The following GOLGA4 variants were observed in gnomAD, a reference collection of about 807,000 sequenced individuals.
GOLGA4 encodes golgin subfamily A member 4.
In GOLGA4, 169 loss-of-function variants were observed where a neutral mutation model predicts 265.9. The ratio of observed to expected loss-of-function variants is 0.64; its 90% CI spans 0.56 to 0.72. GOLGA4 has a LOEUF of 0.72. Ranked by LOEUF, GOLGA4 falls within the 30% of genes least tolerant of loss-of-function variation. The probability of loss-of-function intolerance (pLI) is 0.00; values close to 1 mark genes in which losing one functional copy is unlikely to be tolerated. For missense variants in GOLGA4, 2,482 were observed against 2,483.4 expected (o/e 1.00, Z 0.01); for synonymous variants, 923 against 855.8 (o/e 1.08, Z -1.37).
chr3:37,328,320 T>A, intron 14 of GOLGA4, 96 bp from the exon 15 acceptor site: 3 of 1,131,852 alleles, frequency 2.7e-6, no homozygotes, highest in Non-Finnish European at 3.8e-6. Flanking sequence ...TTTCATACAA[T>A]GAACTCATAC....
chr3:37,325,932 C>A lies in GOLGA4; in HGVS notation c.4046C>A (p.Ser1349Tyr). The A allele has an allele frequency of 6.2e-7, 1 of 1,612,290 alleles. No homozygotes were observed. Among genetic ancestry groups the A allele is most frequent in the Non-Finnish European group, 8.5e-7 (1 of 1,178,696 alleles). The change falls in exon 14 of 24, where the codon TCT becomes TAT. Residue 1349 changes from serine (S) to tyrosine (Y), a missense_variant. Transcript: ENST00000361924. ...SCITQLKKEL[S>Y]ENINAVTLMK... ...ATAACACAGTTGAAGAAAGAGTTAT[C>A]TGAAAACATCAATGCTGTCACATTG...
chr3:37,317,081 G>C (rs2150934743), intron 11 of GOLGA4, among the ~76,000 whole-genome samples: 1 of 152,214 alleles, frequency 6.6e-6, no homozygotes, highest in African/African-American at 2.4e-5. Flanking sequence ...AGATTCTATT[G>C]TATGAATGTC....
Position 37,302,286 on chromosome 3 carries a change from C to T in GOLGA4, c.1188C>T (p.Thr396=). The T allele has an allele frequency of 6.2e-7, 1 of 1,613,074 alleles. No individual in the cohort carries two copies. The highest frequency in any genetic ancestry group is 8.5e-7 in the Non-Finnish European group (1 of 1,179,216). ...QLRSRIKQMT[T]QGEELREQKE... ...GTAGTCGCATCAAACAGATGACTAC[C>T]CAGGGAGAGGAATTACGGGAACAGA... The change falls in exon 10 of 24, where the codon ACC becomes ACT. Residue 396 remains threonine (T), a synonymous_variant. Coordinates refer to ENST00000361924, the MANE Select transcript of GOLGA4 (RefSeq NM_002078.5).
intron 2 of GOLGA4, among the ~76,000 whole-genome samples, chr3:37,267,633 A>G (rs1013174550): frequency 1.3e-5 from 2 of 152,236 alleles, no homozygotes; most frequent in Non-Finnish European, 2.9e-5. Context: ...GGTGTTAAAC[A>G]CTGACTCTAC....
At chr3:37,322,205 A>T in intron 13 of GOLGA4, among the ~76,000 whole-genome samples, 1 of 152,106 alleles carries the variant, frequency 6.6e-6, no homozygotes, top group South Asian at 2.1e-4. Context: ...TTTGTAGGCA[A>T]TACTTGCCCT....
intron 20 of GOLGA4, among the ~76,000 whole-genome samples, chr3:37,343,007 C>G (rs913513905): frequency 1.2e-4 from 19 of 152,314 alleles, no homozygotes; most frequent in Non-Finnish European, 2.1e-4. Flanking sequence ...TCAAGCGATT[C>G]TTCTGCCTCA....
Position 37,282,084 on chromosome 3 carries a change from T to A in GOLGA4, c.289T>A (p.Ser97Thr). 1 of 1,614,128 alleles carries A rather than the reference T, an allele frequency of 6.2e-7. No homozygotes were observed. The highest frequency in any genetic ancestry group is 8.5e-7 in the Non-Finnish European group (1 of 1,179,960). ...SSSKESLVRTSSRESLNRLDL... is the reference protein window; with the variant it reads ...SSSKESLVRTTSRESLNRLDL... ...TTCTAAAGAGTCTTTGGTACGAACA[T>A]CTTCCAGAGAATCCCTGAATCGACT... The change falls in exon 3 of 24, where the codon TCT becomes ACT. Residue 97 changes from serine (S) to threonine (T), a missense_variant. Around this residue, in one of 3 missense-constraint regions of GOLGA4, gnomAD observed 1,536 missense variants for 1,483.7 expected, o/e 1.04. Transcript: ENST00000361924.
chr3:37,259,904 C>T (rs763735334), intron 2 of GOLGA4, among the ~76,000 whole-genome samples: 3 of 152,096 alleles, frequency 2.0e-5, no homozygotes, highest in African/African-American at 7.2e-5. Flanking sequence ...GTAAAACTAT[C>T]TATATAGACA....
At chr3:37,335,512 T>TG (rs1480467980) in intron 17 of GOLGA4, among the ~76,000 whole-genome samples, 1 of 152,176 alleles carries the variant, frequency 6.6e-6, no homozygotes, top group African/African-American at 2.4e-5. Flanking sequence ...AATGGTCCAT[T>TG]GTAAATGTGA....
chr3:37,327,923 A>G (rs914453374), intron 14 of GOLGA4, 98 bp downstream of exon 14: 6 of 973,240 alleles, frequency 6.2e-6, no homozygotes, highest in African/African-American at 5.0e-5. Context: ...TATTTGGATA[A>G]GTTTCACCAA....
intron 19 of GOLGA4, among the ~76,000 whole-genome samples, chr3:37,339,268 A>G (rs1424083513): frequency 6.6e-6 from 1 of 152,218 alleles, no homozygotes; most frequent in Non-Finnish European, 1.5e-5. Flanking sequence ...ATACCATCGT[A>G]TGGATATACT....
intron 8 of GOLGA4, 56 bp downstream of exon 8, chr3:37,299,076 C>G: frequency 7.2e-7 from 1 of 1,393,628 alleles, no homozygotes; most frequent in Non-Finnish European, 9.8e-7. Context: ...GATCCACAGG[C>G]TCCACAGCAT....
intron 22 of GOLGA4, among the ~76,000 whole-genome samples, chr3:37,358,300 C>T (rs1436276353): frequency 6.6e-6 from 1 of 152,110 alleles, no homozygotes; most frequent in African/African-American, 2.4e-5. Context: ...TTCAATATAT[C>T]TTATCTTTAC....
intron 10 of GOLGA4, among the ~76,000 whole-genome samples, chr3:37,312,612 T>C (rs2096926088): frequency 6.6e-6 from 1 of 150,690 alleles, no homozygotes; most frequent in Non-Finnish European, 1.5e-5. Context: ...AGCCTTGACC[T>C]CCCAGACTTA....
chr3:37,328,342 T>TAAA, intron 14 of GOLGA4, 74 bp from the exon 15 acceptor site: 1 of 1,486,204 alleles, frequency 6.7e-7, no homozygotes, highest in South Asian at 1.3e-5. Context: ...GTATGCACTG[T>TAAA]TTTAAAGACC....
At chr3:37,304,745 C>A (rs988512257) in intron 10 of GOLGA4, among the ~76,000 whole-genome samples, 4 of 152,190 alleles carry the variant, frequency 2.6e-5, no homozygotes, top group Middle Eastern at 6.8e-3. Context: ...CATTTACATG[C>A]GGATAAAATT....
rs1459887623 is a variant in GOLGA4 at position 37,347,216 on chromosome 3, G to A, written c.6496G>A (p.Val2166Ile). The change falls in exon 21 of 24, where the codon GTC becomes ATC. Residue 2166 changes from valine (V) to isoleucine (I), a missense_variant. Physicochemically the swap from Val to Ile is conservative, Grantham distance 29. This residue lies in a region of GOLGA4 where 942 missense variants were observed against 983.1 expected (regional missense o/e 0.96). Coordinates refer to ENST00000361924, the MANE Select transcript of GOLGA4 (RefSeq NM_002078.5). ...AGGTGGCAATTTGTACCATACGGAT[G>A]TCTCACTCTTTGGAGAACCTACCGA... ...YKGGNLYHTD[V>I]SLFGEPTEFE... 6.2e-7 allele frequency: 1 copy of A among 1,612,000 alleles called. No individual in the cohort carries two copies. The highest frequency in any genetic ancestry group is 8.5e-7 in the Non-Finnish European group (1 of 1,178,420).
At chr3:37,320,318 A>T (rs2096951366) in intron 12 of GOLGA4, 1 of 152,216 alleles carries the variant, frequency 6.6e-6, no homozygotes, top group South Asian at 2.1e-4. Context: ...TATCCGTAAG[A>T]TAATATGTGT....
At position 37,324,549 on chromosome 3, in the gene GOLGA4, A is replaced by T. The variant is rs1398211651; in HGVS notation, c.2663A>T (p.Tyr888Phe). The change falls in exon 14 of 24, where the codon TAT becomes TTT. Residue 888 changes from tyrosine to phenylalanine, a missense_variant. By Grantham distance (22) the Tyr-to-Phe change is conservative (BLOSUM62 3). Coordinates refer to ENST00000361924, the MANE Select transcript of GOLGA4 (RefSeq NM_002078.5). ...AAAGTAAAATCTTTAACCCAAGTCT[A>T]TGAGTCCAAACTTGAAGATGGTAAC... Reference protein sequence around the residue: ...EQKVKSLTQVYESKLEDGNKE... With the variant: ...EQKVKSLTQVFESKLEDGNKE... 3.1e-6 allele frequency: 5 copies of T among 1,613,844 alleles called. No homozygotes were observed. The highest frequency in any genetic ancestry group is 1.7e-6 in the Non-Finnish European group (2 of 1,179,934).
Sources: gnomAD v4.1 joint callset for allele counts (sites outside exome capture counted in the v4.1 genomes callset) on GRCh38, gnomAD v4.1.1 for gene constraint, gnomAD v4.1.1 regional missense constraint, MANE v1.5 for transcripts, NCBI Gene and HGNC (gene_info 2026-07-23, HGNC 2026-07-21) for gene names.